TENT4B: variants seen among roughly 807,000 people sequenced by gnomAD.
TENT4B encodes the protein PAP associated domain containing 5.
TENT4B carries 10 observed loss-of-function variants against 75.0 expected under a neutral mutation model. The observed-to-expected ratio is 0.13, with a 90% CI of 0.08 to 0.23. TENT4B has a LOEUF of 0.23. Ranked by LOEUF, TENT4B falls within the 10% of genes least tolerant of loss-of-function variation. The pLI is 1.00. For synonymous variants in TENT4B, 350 were observed against 357.7 expected (o/e 0.98, Z 0.24); for missense variants, 579 against 893.8 (o/e 0.65, Z 4.49).
At chr16:50,195,654 AAGAGG>A (rs2030183453) in intron 1 of TENT4B, among the ~76,000 whole-genome samples, 1 of 152,240 alleles carries the variant, frequency 6.6e-6, no homozygotes, top group African/African-American at 2.4e-5. Flanking sequence ...TTAGCATGTA[AAGAGG>A]AAAGTGTGCA....
intron 10 of TENT4B, among the ~76,000 whole-genome samples, chr16:50,226,134 G>C (rs2032042731): frequency 6.6e-6 from 1 of 151,706 alleles, no homozygotes; most frequent in East Asian, 1.9e-4. Flanking sequence ...TGAGTATCTA[G>C]GATTACAGGC....
At chr16:50,225,686 CTT>C (rs1210292398) in intron 10 of TENT4B, among the ~76,000 whole-genome samples, 18 of 143,506 alleles carry the variant, frequency 1.3e-4, no homozygotes, top group East Asian at 2.0e-4. Context: ...TTGTTTTTTC[CTT>C]TTTTTTTTTT....
Position 50,233,170 on chromosome 16 carries a change from G to T in TENT4B, c.*3842G>T. On this transcript the variant is annotated 3_prime_UTR_variant, in exon 12 of 12. Coordinates refer to ENST00000561678, the MANE Select transcript of TENT4B (RefSeq NM_001365324.3). ...GATAGTAATTTTCATCAGGGTCATA[G>T]TTCATCTAGTAAAATATTTAGAGAA... 1.0e-6 allele frequency: 1 copy of T among 984,636 alleles called. No individual in the cohort carries two copies. Among genetic ancestry groups the T allele is most frequent in the Non-Finnish European group, 1.2e-6 (1 of 829,210 alleles). 61.0% of individuals were successfully genotyped at this position (984,636 alleles called of 1,614,324 possible). A position where few individuals can be genotyped will look rare whatever the true frequency, so the allele number is the denominator to read the frequency against.
chr16:50,208,282 G>A (rs752317483), intron 1 of TENT4B, among the ~76,000 whole-genome samples: 28 of 152,206 alleles, frequency 1.8e-4, no homozygotes, highest in Admixed American at 7.9e-4. Flanking sequence ...TGATTGTTGA[G>A]GGTAGTCTTC....
At chr16:50,200,587 A>G (rs1323208080) in intron 1 of TENT4B, among the ~76,000 whole-genome samples, 1 of 152,132 alleles carries the variant, frequency 6.6e-6, no homozygotes, top group African/African-American at 2.4e-5. Context: ...TATTAGGTAT[A>G]TAATGCTGTC....
At chr16:50,221,830 C>T (rs2031842302) in intron 5 of TENT4B, among the ~76,000 whole-genome samples, 1 of 151,444 alleles carries the variant, frequency 6.6e-6, no homozygotes, top group Non-Finnish European at 1.5e-5. Flanking sequence ...ATGGCACGAT[C>T]TCGCCTCACT....
Position 50,217,640 on chromosome 16 carries a change from G to A in TENT4B, c.1015G>A (p.Asp339Asn), listed in dbSNP as rs1213695566. The change falls in exon 5 of 12, where the codon GAC becomes AAC. Residue 339 changes from aspartate (D) to asparagine (N), a missense_variant. Coordinates refer to ENST00000561678, the MANE Select transcript of TENT4B (RefSeq NM_001365324.3). ...TGTACAGAATGGCGTGAGAGCAGCT[G>A]ACCTCATCAAAGATTTTACCAAGGT... The part of the protein sequence containing the change: ...FNVQNGVRAA[D>N]LIKDFTKKYP... 2.0e-6 allele frequency: 3 copies of A among 1,529,898 alleles called. No homozygotes were observed. The highest frequency in any genetic ancestry group is 1.4e-5 in the African/African-American group (1 of 71,652). 94.8% of individuals were successfully genotyped at this position (1,529,898 alleles called of 1,614,324 possible).
In TENT4B at chr16:50,234,680, C is replaced by T; in HGVS notation, c.*5352C>T. The T allele has an allele frequency of 1.0e-6, 1 of 985,416 alleles. No homozygotes were observed. The highest frequency in any genetic ancestry group is 1.2e-6 in the Non-Finnish European group (1 of 829,936). 61.0% of individuals were successfully genotyped at this position (985,416 alleles called of 1,614,324 possible). On this transcript the variant is annotated 3_prime_UTR_variant, in exon 12 of 12. Coordinates refer to ENST00000561678, the MANE Select transcript of TENT4B (RefSeq NM_001365324.3). ...AGTCCTACAATCCTAAAATAAATCA[C>T]AAGCTTGTTTGTTAGACGTGTCAAG...
intron 1 of TENT4B, among the ~76,000 whole-genome samples, chr16:50,209,448 A>G (rs1047579933): frequency 6.6e-6 from 1 of 152,196 alleles, no homozygotes; most frequent in Non-Finnish European, 1.5e-5. Flanking sequence ...AATCAAAACA[A>G]AACTTCGAAA....
intron 1 of TENT4B, among the ~76,000 whole-genome samples, chr16:50,189,847 CA>C (rs2038605615): frequency 6.6e-6 from 1 of 151,128 alleles, no homozygotes; most frequent in Admixed American, 6.6e-5. Flanking sequence ...AGGAGTGAGG[CA>C]GGCAGATCAC....
chr16:50,225,751 C>T (rs1437487731), intron 10 of TENT4B, among the ~76,000 whole-genome samples: 1 of 146,670 alleles, frequency 6.8e-6, no homozygotes, highest in East Asian at 2.1e-4. Context: ...GGTATGATCT[C>T]GGCTCACTGC....
chr16:50,208,011 T>C (rs918804645), intron 1 of TENT4B, among the ~76,000 whole-genome samples: 1 of 152,248 alleles, frequency 6.6e-6, no homozygotes, highest in Non-Finnish European at 1.5e-5. Flanking sequence ...CTGGTTGTTC[T>C]CTGAGTATTT....
intron 5 of TENT4B, among the ~76,000 whole-genome samples, 188 bp from the exon 6 acceptor site, chr16:50,222,118 G>C (rs186029319): frequency 6.6e-6 from 1 of 152,050 alleles, no homozygotes; most frequent in African/African-American, 2.4e-5. Flanking sequence ...TACAATTTAA[G>C]TATAAGGGGA....
chr16:50,189,250 G>A (rs2038593727), intron 1 of TENT4B, among the ~76,000 whole-genome samples: 1 of 152,040 alleles, frequency 6.6e-6, no homozygotes, highest in Non-Finnish European at 1.5e-5. Flanking sequence ...TTTTTTTAAT[G>A]TGGTTTATAT....
chr16:50,178,442 C>T (rs2038351129), intron 1 of TENT4B, among the ~76,000 whole-genome samples: 1 of 151,342 alleles, frequency 6.6e-6, no homozygotes, highest in African/African-American at 2.4e-5. Context: ...AAATTTTGTT[C>T]TCTCTTGAAA....
At chr16:50,199,197 A>G (rs2030477587) in intron 1 of TENT4B, among the ~76,000 whole-genome samples, 1 of 152,246 alleles carries the variant, frequency 6.6e-6, no homozygotes, top group Admixed American at 6.5e-5. Flanking sequence ...TAAGGAAGAT[A>G]CCACGTGGGG....
chr16:50,233,633 GTT>G lies in TENT4B; in HGVS notation c.*4309_*4310del. 1.0e-6 allele frequency: 1 copy of G among 983,918 alleles called. No individual in the cohort carries two copies. The highest frequency in any genetic ancestry group is 1.2e-6 in the Non-Finnish European group (1 of 828,614). The allele number at this position is 983,918 out of a possible 1,614,324, so 60.9% of individuals were successfully genotyped here. A position where few individuals can be genotyped will look rare whatever the true frequency, so the allele number is the denominator to read the frequency against. On this transcript the variant is annotated 3_prime_UTR_variant, in exon 12 of 12. Transcript: ENST00000561678. ...ACCTAGAATTAAATATTTGAGGACA[GTT>G]TTTAGTTAATAAACTGCTAATGTTT... is the stretch of plus-strand genomic sequence containing the variant.
chr16:50,216,829 A>AT (rs397965459), intron 4 of TENT4B, among the ~76,000 whole-genome samples: 15 of 151,272 alleles, frequency 9.9e-5, no homozygotes, highest in East Asian at 7.7e-4. Flanking sequence ...TATTTAAAAA[A>AT]TTTTTTTTTG....
At chr16:50,216,942 A>C (rs2031590009) in intron 4 of TENT4B, among the ~76,000 whole-genome samples, 1 of 152,140 alleles carries the variant, frequency 6.6e-6, no homozygotes, top group Non-Finnish European at 1.5e-5. Flanking sequence ...AATAATTTTT[A>C]TATTTTATCT....
Sources: allele counts gnomAD v4.1 joint callset (sites outside exome capture counted in the v4.1 genomes callset), GRCh38; gene constraint gnomAD v4.1.1; transcripts MANE v1.5; gene names NCBI Gene and HGNC (gene_info 2026-07-23, HGNC 2026-07-21).